Variants in PTPRD observed in about 807,000 individuals in gnomAD.
The protein encoded by PTPRD is protein tyrosine phosphatase receptor type D.
In PTPRD, 34 loss-of-function variants were observed where a neutral mutation model predicts 214.5. The observed-to-expected ratio is 0.16, with a 90% CI of 0.12 to 0.21. PTPRD has a LOEUF of 0.21. PTPRD is among the 10% of genes least tolerant of loss of function. PTPRD has a pLI of 1.00. For synonymous variants in PTPRD, 1,128 were observed against 845.7 expected (o/e 1.33, Z -5.79); for missense variants, 2,545 against 2,398.7 (o/e 1.06, Z -1.27).
intron 2 of PTPRD, among the ~76,000 whole-genome samples, chr9:10,528,796 T>C (rs1421290761): frequency 6.6e-6 from 1 of 152,182 alleles, no homozygotes; most frequent in African/African-American, 2.4e-5. Flanking sequence ...TACTCCTTTA[T>C]CCATACTATT....
intron 2 of PTPRD, among the ~76,000 whole-genome samples, chr9:10,531,012 C>T (rs1032916342): frequency 2.9e-4 from 44 of 151,792 alleles, no homozygotes; most frequent in South Asian, 1.2e-3. Context: ...TGCCACTGTG[C>T]GATTGTGGCT....
chr9:10,196,394 G>T (rs949000910), intron 3 of PTPRD, among the ~76,000 whole-genome samples: 2 of 152,116 alleles, frequency 1.3e-5, no homozygotes, highest in Admixed American at 1.3e-4. Flanking sequence ...CACAAATTAA[G>T]TGCCAGAAGT....
At chr9:8,846,714 A>AGT (rs999640056) in intron 11 of PTPRD, among the ~76,000 whole-genome samples, 8 of 152,066 alleles carry the variant, frequency 5.3e-5, no homozygotes, top group South Asian at 2.1e-4. Context: ...GTATGGCTCA[A>AGT]GTGTGTGTGT....
chr9:9,676,794 C>T (rs1467821256), intron 7 of PTPRD, among the ~76,000 whole-genome samples: 3 of 152,032 alleles, frequency 2.0e-5, no homozygotes, highest in Non-Finnish European at 4.4e-5. Context: ...CCTGTTGTTT[C>T]CTGACTTTTT....
At chr9:9,420,211 G>C (rs972260853) in intron 8 of PTPRD, among the ~76,000 whole-genome samples, 3 of 151,654 alleles carry the variant, frequency 2.0e-5, no homozygotes, top group Non-Finnish European at 4.4e-5. Flanking sequence ...AATTTTAATT[G>C]ACACAAACAA....
chr9:10,059,363 G>A (rs140525399), intron 3 of PTPRD, among the ~76,000 whole-genome samples: 132 of 152,208 alleles, frequency 8.7e-4, no homozygotes, highest in Middle Eastern at 3.4e-3. Flanking sequence ...ATGGCAACCT[G>A]TATTCCTGGG....
intron 3 of PTPRD, among the ~76,000 whole-genome samples, chr9:10,169,674 A>G (rs549891134): frequency 5.3e-5 from 8 of 152,108 alleles, no homozygotes; most frequent in African/African-American, 1.9e-4. Context: ...TTTTTGACCA[A>G]CTTCTACAAC....
At position 8,418,943 on chromosome 9, in the gene PTPRD, T is replaced by C. The variant is rs572737081; in HGVS notation, c.4087-14283A>G. Among the ~76,000 whole-genome samples the C allele has an allele frequency of 6.6e-5, 10 of 152,156 alleles. No individual in the cohort carries two copies. In the East Asian group the frequency reaches 1.9e-3, roughly 29 times the overall value. On this transcript the variant is annotated intron_variant, in intron 35 of 45. Transcript: ENST00000381196. ...ATGCTAGGAGATTTATATATGTCTG[T>C]CTGGTGATAATGTCCTTGTAAAAAT...
chr9:8,600,776 A>G (rs1363778377), intron 14 of PTPRD, among the ~76,000 whole-genome samples: 2 of 152,040 alleles, frequency 1.3e-5, no homozygotes, highest in Non-Finnish European at 2.9e-5. Context: ...GTAATATACC[A>G]CAGGCCTTGG....
At chr9:8,478,300 T>C (rs772014479) in intron 30 of PTPRD, among the ~76,000 whole-genome samples, 7 of 152,168 alleles carry the variant, frequency 4.6e-5, no homozygotes, top group African/African-American at 1.4e-4. Context: ...AGGCTGCTAA[T>C]AGTGGAACAC....
chr9:9,238,707 C>A (rs115371668), intron 9 of PTPRD, among the ~76,000 whole-genome samples: 1 of 152,054 alleles, frequency 6.6e-6, no homozygotes, highest in Non-Finnish European at 1.5e-5. Context: ...AATGTCCATG[C>A]AATGAGGTAT....
intron 2 of PTPRD, among the ~76,000 whole-genome samples, chr9:10,575,447 A>C (rs2068918769): frequency 6.6e-6 from 1 of 152,152 alleles, no homozygotes; most frequent in Non-Finnish European, 1.5e-5. Context: ...TCATGATCTA[A>C]AGTAGAAAAG....
chr9:10,171,422 T>C (rs1170940661), intron 3 of PTPRD, among the ~76,000 whole-genome samples: 2 of 152,138 alleles, frequency 1.3e-5, no homozygotes, highest in African/African-American at 4.8e-5. Context: ...ATGTAGGAAG[T>C]TCCTTTCACC....
At chr9:8,618,550 C>T (rs529462352) in intron 14 of PTPRD, among the ~76,000 whole-genome samples, 1 of 152,162 alleles carries the variant, frequency 6.6e-6, no homozygotes, top group East Asian at 1.9e-4. Context: ...TCTTGACAAT[C>T]TCCATCTACC....
intron 11 of PTPRD, among the ~76,000 whole-genome samples, chr9:9,007,019 T>C (rs2099474260): frequency 6.6e-6 from 1 of 152,030 alleles, no homozygotes; most frequent in Non-Finnish European, 1.5e-5. Context: ...TGCCTATTTA[T>C]AGCAAGTAAA....
intron 3 of PTPRD, among the ~76,000 whole-genome samples, chr9:10,303,519 G>C (rs2095940201): frequency 6.6e-6 from 1 of 151,836 alleles, no homozygotes; most frequent in Non-Finnish European, 1.5e-5. Flanking sequence ...CCACTAGACA[G>C]ACTAATAAAG....
At chr9:9,370,024 T>C in intron 9 of PTPRD, among the ~76,000 whole-genome samples, 1 of 152,214 alleles carries the variant, frequency 6.6e-6, no homozygotes, top group East Asian at 1.9e-4. Context: ...CCTTGTAGTA[T>C]AGTTTGAAGT....
intron 7 of PTPRD, among the ~76,000 whole-genome samples, chr9:9,732,318 C>A (rs1182628152): frequency 6.6e-6 from 1 of 151,954 alleles, no homozygotes; most frequent in Non-Finnish European, 1.5e-5. Flanking sequence ...AAAACTCATA[C>A]ATTTTCCCAC....
chr9:10,090,140 A>G (rs1024964136), intron 3 of PTPRD, among the ~76,000 whole-genome samples: 1 of 151,636 alleles, frequency 6.6e-6, no homozygotes, highest in Non-Finnish European at 1.5e-5. Context: ...AGGAATTTCC[A>G]TCCCAGTAAC....
Sources: allele counts gnomAD v4.1 joint callset (sites outside exome capture counted in the v4.1 genomes callset), GRCh38; gene constraint gnomAD v4.1.1; transcripts MANE v1.5; gene names NCBI Gene and HGNC (gene_info 2026-07-23, HGNC 2026-07-21).